The following ZNF710 variants were observed in gnomAD, a reference collection of about 807,000 sequenced individuals.
The protein encoded by ZNF710 is zinc finger protein 710.
A neutral mutation model predicts 50.6 loss-of-function variants in ZNF710; 13 were observed. The ratio of observed to expected loss-of-function variants is 0.26; its 90% CI spans 0.17 to 0.41. The LOEUF is 0.41. Among genes scored for constraint, ZNF710 ranks in the 10% least tolerant of loss-of-function variants. ZNF710 has a pLI of 1.00. For missense variants in ZNF710, 721 were observed against 936.6 expected (o/e 0.77, Z 3.01); for synonymous variants, 383 against 397.0 (o/e 0.96, Z 0.42).
chr15:90,010,195 G>A (rs754722174), intron 1 of ZNF710, among the ~76,000 whole-genome samples: 13 of 152,138 alleles, frequency 8.5e-5, no homozygotes, highest in Non-Finnish European at 1.6e-4. Context: ...AGACAGCCTA[G>A]GGCTGGATTT....
At chr15:90,050,976 C>A (rs1018993677) in intron 1 of ZNF710, among the ~76,000 whole-genome samples, 1 of 152,154 alleles carries the variant, frequency 6.6e-6, no homozygotes, top group African/African-American at 2.4e-5. Flanking sequence ...CCGTGGCTCA[C>A]GCCTGTAATC....
At chr15:90,054,534 G>C (rs983226188) in intron 1 of ZNF710, among the ~76,000 whole-genome samples, 2 of 152,168 alleles carry the variant, frequency 1.3e-5, no homozygotes, top group Non-Finnish European at 2.9e-5. Context: ...TGCCTGCAGG[G>C]GACTGCCTCA....
chr15:90,016,034 C>T (rs1898447180), intron 1 of ZNF710, among the ~76,000 whole-genome samples: 1 of 152,190 alleles, frequency 6.6e-6, no homozygotes, highest in Non-Finnish European at 1.5e-5. Flanking sequence ...TATGCAGTAG[C>T]TCCGCAAGGA....
intron 1 of ZNF710, among the ~76,000 whole-genome samples, chr15:90,039,058 C>T (rs552850296): frequency 6.6e-6 from 1 of 152,292 alleles, no homozygotes; most frequent in South Asian, 2.1e-4. Flanking sequence ...GGGGGTGGAT[C>T]ACTTGAGGCC....
chr15:90,053,756 C>T (rs1418532627), intron 1 of ZNF710, among the ~76,000 whole-genome samples: 1 of 152,122 alleles, frequency 6.6e-6, no homozygotes. Flanking sequence ...CCTACCCTGA[C>T]CTCAGAGAAG....
intron 1 of ZNF710, among the ~76,000 whole-genome samples, chr15:90,012,072 G>C (rs983117723): frequency 6.6e-6 from 1 of 152,082 alleles, no homozygotes; most frequent in Non-Finnish European, 1.5e-5. Context: ...AAGTGTGGTG[G>C]CGTGTGCCTG....
chr15:90,026,490 TA>T (rs1191521691), intron 1 of ZNF710, among the ~76,000 whole-genome samples: 1 of 152,182 alleles, frequency 6.6e-6, no homozygotes, highest in Non-Finnish European at 1.5e-5. Flanking sequence ...GTGTTTTTGC[TA>T]GTTAATTATT....
upstream of ZNF710, among the ~76,000 whole-genome samples, chr15:89,999,466 G>C (rs1897968629): frequency 6.6e-6 from 1 of 152,328 alleles, no homozygotes; most frequent in South Asian, 2.1e-4. Flanking sequence ...GGCTGCAAGT[G>C]ATGACGGAAA....
chr15:90,030,942 C>A (rs1272210617), intron 1 of ZNF710, among the ~76,000 whole-genome samples: 1 of 142,354 alleles, frequency 7.0e-6, no homozygotes, highest in Non-Finnish European at 1.5e-5. Context: ...TGGCGTGAAC[C>A]CGGGAGGCGG....
At chr15:90,008,854 T>C (rs1898224502) in intron 1 of ZNF710, among the ~76,000 whole-genome samples, 1 of 152,136 alleles carries the variant, frequency 6.6e-6, no homozygotes, top group Non-Finnish European at 1.5e-5. Flanking sequence ...ATATGCTCTA[T>C]TGTGTGTTTA....
At chr15:90,024,476 A>G (rs1260291679) in intron 1 of ZNF710, among the ~76,000 whole-genome samples, 4 of 152,310 alleles carry the variant, frequency 2.6e-5, no homozygotes, top group Non-Finnish European at 5.9e-5. Context: ...ATCCATGAGA[A>G]TGGGTGGCAG....
intron 1 of ZNF710, among the ~76,000 whole-genome samples, chr15:90,027,100 T>C (rs1898801839): frequency 1.3e-5 from 2 of 152,218 alleles, no homozygotes; most frequent in African/African-American, 4.8e-5. Flanking sequence ...CAATTTACCC[T>C]CTGCCAAATC....
At chr15:90,029,822 C>T (rs886451374) in intron 1 of ZNF710, among the ~76,000 whole-genome samples, 2 of 151,184 alleles carry the variant, frequency 1.3e-5, no homozygotes, top group African/African-American at 4.9e-5. Context: ...ACCATGTTGG[C>T]CAGGCTGGTC....
At chr15:90,054,065 T>G (rs1899731334) in intron 1 of ZNF710, among the ~76,000 whole-genome samples, 1 of 152,002 alleles carries the variant, frequency 6.6e-6, no homozygotes, top group South Asian at 2.1e-4. Flanking sequence ...AAGCAAAAGA[T>G]AAATAAATGT....
intron 1 of ZNF710, among the ~76,000 whole-genome samples, chr15:90,004,790 AC>A (rs1898097067): frequency 6.6e-6 from 1 of 152,170 alleles, no homozygotes; most frequent in Non-Finnish European, 1.5e-5. Flanking sequence ...AGAGCATGAA[AC>A]CGTGCGCTCA....
chr15:90,074,756 G>GA (rs2151538944), intron 4 of ZNF710: 1 of 336,842 alleles, frequency 3.0e-6, no homozygotes, highest in South Asian at 2.3e-5. Context: ...TTAGAAAGGG[G>GA]AAAAAATGGC....
At chr15:90,025,614 A>G (rs1378572676) in intron 1 of ZNF710, 5 of 152,208 alleles carry the variant, frequency 3.3e-5, no homozygotes, top group South Asian at 4.1e-4. Context: ...TTCATTTGAC[A>G]TAACATTATG....
At chr15:90,017,382 A>G (rs1596267647) in intron 1 of ZNF710, among the ~76,000 whole-genome samples, 1 of 152,332 alleles carries the variant, frequency 6.6e-6, no homozygotes, top group African/African-American at 2.4e-5. Context: ...ACAAGGCTGT[A>G]ATTTACAGGC....
intron 1 of ZNF710, among the ~76,000 whole-genome samples, chr15:90,024,124 C>T (rs2135657): frequency 0.53 from 81,178 of 152,046 alleles, 22,426 homozygotes; most frequent in Non-Finnish European, 0.58. Flanking sequence ...ATGCAACCCT[C>T]CTTCCCACCC....
Sources: allele counts gnomAD v4.1 joint callset (sites outside exome capture counted in the v4.1 genomes callset), GRCh38; gene constraint gnomAD v4.1.1; transcripts MANE v1.5; gene names NCBI Gene and HGNC (gene_info 2026-07-23, HGNC 2026-07-21).